CRLF3: variants seen among roughly 807,000 people sequenced by gnomAD.
The protein encoded by CRLF3 is cytokine receptor like factor 3.
A neutral mutation model predicts 55.0 loss-of-function variants in CRLF3; 33 were observed. The observed-to-expected ratio is 0.60, with a 90% CI of 0.46 to 0.80. The LOEUF is 0.80. Among genes scored for constraint, CRLF3 ranks in the 30% least tolerant of loss-of-function variants. The pLI, the probability that CRLF3 is intolerant of heterozygous loss-of-function variation, is 0.00. For synonymous variants in CRLF3, 238 were observed against 196.8 expected (o/e 1.21, Z -1.75); for missense variants, 494 against 538.4 (o/e 0.92, Z 0.82).
At chr17:30,785,314 A>C (rs1480485072) in intron 7 of CRLF3, among the ~76,000 whole-genome samples, 1 of 151,412 alleles carries the variant, frequency 6.6e-6, no homozygotes, top group East Asian at 2.0e-4. Context: ...TGACCTCGTG[A>C]TTTGCCCGCC....
chr17:30,799,748 G>A (rs980546339), intron 2 of CRLF3, among the ~76,000 whole-genome samples: 3 of 151,828 alleles, frequency 2.0e-5, no homozygotes, highest in South Asian at 2.1e-4. Context: ...CAGATGATCC[G>A]CCCCCCTCGG....
intron 1 of CRLF3, among the ~76,000 whole-genome samples, chr17:30,806,065 A>G (rs1028129589): frequency 1.3e-5 from 2 of 152,022 alleles, no homozygotes; most frequent in African/African-American, 2.4e-5. Flanking sequence ...ACAAACAAAC[A>G]AAAAAACTCA....
At position 30,798,247 on chromosome 17, in the gene CRLF3, A is replaced by G. The variant is rs1971954498; in HGVS notation, c.338-849T>C. 2.6e-5 allele frequency among the ~76,000 whole-genome samples: 4 copies of G among 151,918 alleles called. No homozygotes were observed. The South Asian group carries it at 8.3e-4, about 32-fold the overall frequency. The stretch of plus-strand genomic sequence containing the variant: ...ACAAAAATTAGTTGGGTGTGGTGGC[A>G]GGTGCCTGTATTCCCAGCTACTAGG... On this transcript the variant is annotated intron_variant, in intron 2 of 7. Transcript: ENST00000324238.
chr17:30,783,286 C>G lies in CRLF3; in HGVS notation c.*901G>C, dbSNP rs1044318753. The G allele has an allele frequency of 1.3e-5, 2 of 152,196 alleles. No individual in the cohort carries two copies. Among genetic ancestry groups the G allele is most frequent in the Non-Finnish European group, 2.9e-5 (2 of 68,042 alleles). 9.4% of individuals were successfully genotyped at this position (152,196 alleles called of 1,614,324 possible). On this transcript the variant is annotated 3_prime_UTR_variant, in exon 8 of 8. Coordinates refer to ENST00000324238, the MANE Select transcript of CRLF3 (RefSeq NM_015986.4). ...TGCAATGAAAGAACAAAAGGTACTA[C>G]TTGCCTATTTTAGACACTTGGTCAA...
chr17:30,821,196 CA>C (rs1486266997), intron 1 of CRLF3, among the ~76,000 whole-genome samples: 2 of 151,652 alleles, frequency 1.3e-5, no homozygotes, highest in African/African-American at 4.8e-5. Flanking sequence ...AAAAATTAGC[CA>C]GGGGTGATGG....
chr17:30,798,908 GGAAA>G (rs1971963195), intron 2 of CRLF3, among the ~76,000 whole-genome samples: 2 of 152,120 alleles, frequency 1.3e-5, no homozygotes, highest in African/African-American at 4.8e-5. Context: ...CAGGAGAATA[GGAAA>G]GAGTTTGACA....
intron 1 of CRLF3, among the ~76,000 whole-genome samples, chr17:30,822,473 T>A (rs981808604): frequency 2.0e-4 from 31 of 152,164 alleles, no homozygotes; most frequent in Non-Finnish European, 4.3e-4. Context: ...CTCAGTCTAG[T>A]CAGAAGGCAA....
intron 1 of CRLF3, among the ~76,000 whole-genome samples, chr17:30,807,416 A>C (rs1398206559): frequency 6.6e-6 from 1 of 151,714 alleles, no homozygotes; most frequent in East Asian, 1.9e-4. Context: ...AGCAATGTTC[A>C]CGACCATGTA....
intron 6 of CRLF3, among the ~76,000 whole-genome samples, chr17:30,789,457 G>A (rs954871546): frequency 1.3e-5 from 2 of 152,156 alleles, no homozygotes; most frequent in Non-Finnish European, 2.9e-5. Flanking sequence ...GTCATAAGAG[G>A]TAAAAGTTAA....
Position 30,824,531 on chromosome 17 carries a change from G to C in CRLF3, c.121C>G (p.Arg41Gly). The part of the protein sequence containing the change: ...GHRLEGLREA[R>G]RQIKESASQT... ...GGGTGTGGCCCTCCGACCTGCCTCC[G>C]CGCCTCACGCAGCCCCTCAAGCCGG... is the stretch of plus-strand genomic sequence containing the variant. The change falls in exon 1 of 8, where the codon CGG becomes GGG. Residue 41 changes from arginine to glycine, a missense_variant. Arg to Gly is a moderately radical substitution (Grantham distance 125, BLOSUM62 -2). Coordinates refer to ENST00000324238, the MANE Select transcript of CRLF3 (RefSeq NM_015986.4). 6.3e-7 allele frequency: 1 copy of C among 1,590,380 alleles called. No homozygotes were observed. The highest frequency in any genetic ancestry group is 8.5e-7 in the Non-Finnish European group (1 of 1,174,064).
At position 30,824,689 on chromosome 17, in the gene CRLF3, G is replaced by A. The variant is rs752235581; in HGVS notation, c.-38C>T. On this transcript the variant is annotated 5_prime_UTR_variant, in exon 1 of 8. Coordinates refer to ENST00000324238, the MANE Select transcript of CRLF3 (RefSeq NM_015986.4). ...CCGGCGAAACCTAGCGCGGGTTCCCGACTGCACCGGGCGCCTCCAAGCGGC... is the reference window on the plus strand; with the variant it reads ...CCGGCGAAACCTAGCGCGGGTTCCCAACTGCACCGGGCGCCTCCAAGCGGC... The A allele has an allele frequency of 3.2e-6, 5 of 1,557,766 alleles. No individual in the cohort carries two copies. In the African/African-American group the frequency reaches 4.2e-5, roughly 13 times the overall value.
chr17:30,795,157 T>C (rs572008148), intron 4 of CRLF3, among the ~76,000 whole-genome samples: 62 of 152,020 alleles, frequency 4.1e-4, no homozygotes, highest in Non-Finnish European at 6.5e-4. Context: ...CAACAGCATG[T>C]TTATAAAAAA....
chr17:30,792,649 C>A, intron 5 of CRLF3, 77 bp from the exon 6 acceptor site: 1 of 1,359,324 alleles, frequency 7.4e-7, no homozygotes, highest in Non-Finnish European at 1.0e-6. Context: ...TTAAATAAAA[C>A]ATGGAAATGG....
intron 1 of CRLF3, among the ~76,000 whole-genome samples, chr17:30,814,082 C>T (rs1347683602): frequency 6.6e-6 from 1 of 151,954 alleles, no homozygotes; most frequent in Non-Finnish European, 1.5e-5. Context: ...CACAGTGAAA[C>T]CTCGTCTCTA....
chr17:30,784,503 G>A, intron 7 of CRLF3, 60 bp from the exon 8 acceptor site: 2 of 1,418,812 alleles, frequency 1.4e-6, no homozygotes, highest in South Asian at 2.5e-5. Flanking sequence ...ATCTGAAATA[G>A]TTTCTAGATT....
intron 6 of CRLF3, among the ~76,000 whole-genome samples, chr17:30,790,379 T>TAAAGA (rs1971764905): frequency 1.3e-5 from 2 of 152,070 alleles, no homozygotes; most frequent in African/African-American, 4.8e-5. Context: ...AACATGACTA[T>TAAAGA]AAAGAATACA....
Position 30,784,234 on chromosome 17 carries a change from A to T in CRLF3, c.1282T>A (p.Phe428Ile). The T allele has an allele frequency of 3.7e-6, 6 of 1,614,092 alleles. No homozygotes were observed. Among genetic ancestry groups the T allele is most frequent in the Non-Finnish European group, 5.1e-6 (6 of 1,179,968 alleles). The stretch of plus-strand genomic sequence containing the variant: ...CCAGGATAGAAAAATGAGCATCCAA[A>T]GTAAAGAGAACCACAAGACTGATCA... ...LLDQSCGSLY[F>I]GCSFFYPGWK... Residue 428 changes from phenylalanine to isoleucine, a missense_variant, in exon 8 of 8, where the codon TTT becomes ATT. Transcript: ENST00000324238.
intron 7 of CRLF3, 45 bp from the exon 8 acceptor site, chr17:30,784,488 AAG>A: frequency 6.6e-7 from 1 of 1,519,196 alleles, no homozygotes; most frequent in East Asian, 2.3e-5. Flanking sequence ...AGCAATAACT[AAG>A]AGATCTGAAA....
Position 30,792,303 on chromosome 17 carries a change from TAAAG to T in CRLF3, c.959+133_959+136del, listed in dbSNP as rs1238874938. On this transcript the variant is annotated intron_variant, in intron 6 of 7. Coordinates refer to ENST00000324238, the MANE Select transcript of CRLF3 (RefSeq NM_015986.4). ...ATGAGAAAACTACAGCTACAGGAAA[TAAAG>T]AAGCCTTCCCACAGTAACACTGCCT... 3.3e-5 allele frequency: 23 copies of T among 697,904 alleles called. No homozygotes were observed. The Admixed American group carries it at 5.9e-4, about 18-fold the overall frequency. 43.2% of individuals were successfully genotyped at this position (697,904 alleles called of 1,614,324 possible).
Sources: allele counts gnomAD v4.1 joint callset (sites outside exome capture counted in the v4.1 genomes callset), GRCh38; gene constraint gnomAD v4.1.1; transcripts MANE v1.5; gene names NCBI Gene and HGNC (gene_info 2026-07-23, HGNC 2026-07-21).